PARD3: variants seen among roughly 807,000 people sequenced by gnomAD.
The protein encoded by PARD3 is partitioning defective 3 homolog.
A neutral mutation model predicts 155.4 loss-of-function variants in PARD3; 75 were observed. The observed-to-expected ratio is 0.48, with a 90% CI of 0.40 to 0.58. The LOEUF (loss-of-function observed/expected upper bound fraction) is 0.58. Ranked by LOEUF, PARD3 falls within the 20% of genes least tolerant of loss-of-function variation. The pLI is 0.00. For missense variants in PARD3, 1,642 were observed against 1,721.7 expected (o/e 0.95, Z 0.82); for synonymous variants, 576 against 610.5 (o/e 0.94, Z 0.83).
chr10:34,528,665 G>A (rs916104401), intron 2 of PARD3, among the ~76,000 whole-genome samples: 2 of 152,284 alleles, frequency 1.3e-5, no homozygotes, highest in African/African-American at 4.8e-5. Flanking sequence ...AAGAGACTGA[G>A]GTAATCAAGA....
chr10:34,545,749 G>T, intron 2 of PARD3, among the ~76,000 whole-genome samples: 1 of 152,010 alleles, frequency 6.6e-6, no homozygotes, highest in Non-Finnish European at 1.5e-5. Flanking sequence ...TTAGAGACGG[G>T]GTTTCACCAT....
intron 1 of PARD3, among the ~76,000 whole-genome samples, chr10:34,727,723 C>T (rs958788584): frequency 5.9e-5 from 9 of 152,232 alleles, no homozygotes; most frequent in Middle Eastern, 3.4e-3. Context: ...AATAACATTC[C>T]TCCAGCCCTG....
At chr10:34,495,418 G>A (rs1244182868) in intron 3 of PARD3, among the ~76,000 whole-genome samples, 1 of 152,136 alleles carries the variant, frequency 6.6e-6, no homozygotes, top group East Asian at 1.9e-4. Context: ...TGGTACCCTT[G>A]GAAAGATTAA....
intron 9 of PARD3, among the ~76,000 whole-genome samples, chr10:34,378,672 G>T (rs976622624): frequency 2.0e-5 from 3 of 152,082 alleles, no homozygotes; most frequent in Admixed American, 2.0e-4. Flanking sequence ...TCTTTGCCTA[G>T]TTCACTTCTA....
At chr10:34,691,804 T>A (rs199899667) in intron 2 of PARD3, among the ~76,000 whole-genome samples, 10 of 53,986 alleles carry the variant, frequency 1.9e-4, no homozygotes, top group African/African-American at 1.5e-3. Flanking sequence ...TACAACCATC[T>A]ATCTGATCTT....
chr10:34,572,161 C>G (rs943671134), intron 2 of PARD3, among the ~76,000 whole-genome samples: 8 of 152,028 alleles, frequency 5.3e-5, no homozygotes, highest in African/African-American at 1.9e-4. Context: ...AAAGATTTGT[C>G]TCACTAACAA....
chr10:34,519,408 AT>A (rs1309702059), intron 2 of PARD3, among the ~76,000 whole-genome samples: 1 of 152,194 alleles, frequency 6.6e-6, no homozygotes, highest in Non-Finnish European at 1.5e-5. Flanking sequence ...ATTATTTCAA[AT>A]TAAAAATTTT....
intron 2 of PARD3, among the ~76,000 whole-genome samples, chr10:34,615,156 G>C (rs1241518804): frequency 6.6e-6 from 1 of 152,050 alleles, no homozygotes; most frequent in Non-Finnish European, 1.5e-5. Flanking sequence ...ACTCCAGCCT[G>C]GGCAGCCTGG....
In PARD3 at chr10:34,404,692, G is replaced by A. The variant is rs115228690; in HGVS notation, c.715-2775C>T. 8.0e-3 allele frequency among the ~76,000 whole-genome samples: 1,215 copies of A among 152,000 alleles called. 19 individuals carry two copies. Among genetic ancestry groups the A allele is most frequent in the African/African-American group, 0.028 (1,178 of 41,446 alleles). On this transcript the variant is annotated intron_variant, in intron 5 of 24. Coordinates refer to ENST00000374788, the MANE Select transcript of PARD3 (RefSeq NM_001184785.2). ...GTTCAAGATTTAAACAGACCTGGGC[G>A]TGAATAGCAATTCTATCATTTGCCA...
chr10:34,160,221 A>T (rs971337409), intron 22 of PARD3, among the ~76,000 whole-genome samples: 1 of 152,360 alleles, frequency 6.6e-6, no homozygotes, highest in South Asian at 2.1e-4. Flanking sequence ...CACTGTTAAG[A>T]AGGCAGGGAA....
chr10:34,495,354 C>A (rs111956584), intron 3 of PARD3, among the ~76,000 whole-genome samples: 1,669 of 152,176 alleles, frequency 0.011, 30 homozygotes, highest in African/African-American at 0.038. Flanking sequence ...GTAAGAAGTT[C>A]ATCAGAGTCC....
At chr10:34,131,875 T>G (rs933532783) in intron 22 of PARD3, among the ~76,000 whole-genome samples, 1 of 152,150 alleles carries the variant, frequency 6.6e-6, no homozygotes, top group Admixed American at 6.6e-5. Context: ...GGCAAGGTGT[T>G]GGCAGGGAAG....
At chr10:34,145,175 TTGTGTG>T (rs756883064) in intron 22 of PARD3, among the ~76,000 whole-genome samples, 5 of 115,140 alleles carry the variant, frequency 4.3e-5, no homozygotes, top group African/African-American at 7.4e-5. Flanking sequence ...CAACTCTTCA[TTGTGTG>T]TGTGTGTGTA....
chr10:34,644,686 T>C (rs2092782430), intron 2 of PARD3, among the ~76,000 whole-genome samples: 1 of 152,170 alleles, frequency 6.6e-6, no homozygotes, highest in Admixed American at 6.5e-5. Flanking sequence ...TGAAAAGCCT[T>C]TATGTTTGGC....
At chr10:34,712,202 T>A (rs531205575) in intron 1 of PARD3, among the ~76,000 whole-genome samples, 1 of 152,338 alleles carries the variant, frequency 6.6e-6, no homozygotes, top group East Asian at 1.9e-4. Context: ...GGTAGTATTG[T>A]TACCTGATGA....
At chr10:34,694,251 C>T (rs2094123921) in intron 2 of PARD3, among the ~76,000 whole-genome samples, 1 of 151,924 alleles carries the variant, frequency 6.6e-6, no homozygotes, top group Non-Finnish European at 1.5e-5. Context: ...TTCTAATACT[C>T]TGGTGGAAAA....
chr10:34,180,142 G>C (rs1950207140), intron 22 of PARD3, among the ~76,000 whole-genome samples: 1 of 152,176 alleles, frequency 6.6e-6, no homozygotes, highest in African/African-American at 2.4e-5. Flanking sequence ...CCCCGTCCCG[G>C]GTTCAAGCGA....
intron 2 of PARD3, among the ~76,000 whole-genome samples, chr10:34,678,779 G>C: frequency 6.6e-6 from 1 of 151,664 alleles, no homozygotes. Flanking sequence ...TAAACACAAA[G>C]AGTAAGCATG....
intron 7 of PARD3, among the ~76,000 whole-genome samples, chr10:34,385,420 G>A (rs1409016165): frequency 6.6e-6 from 1 of 152,150 alleles, no homozygotes; most frequent in Non-Finnish European, 1.5e-5. Flanking sequence ...ACAGGCATGA[G>A]CCACTGTTAA....
Sources: gnomAD v4.1 joint callset for allele counts (sites outside exome capture counted in the v4.1 genomes callset) on GRCh38, gnomAD v4.1.1 for gene constraint, MANE v1.5 for transcripts, NCBI Gene and HGNC (gene_info 2026-07-23, HGNC 2026-07-21) for gene names.